The following EYS variants were observed in gnomAD, a reference collection of about 807,000 sequenced individuals.
The protein encoded by EYS is protein eyes shut homolog.
EYS carries 250 observed loss-of-function variants against 282.1 expected under a neutral mutation model. The ratio of observed to expected loss-of-function variants is 0.89; its 90% CI spans 0.80 to 0.98. The LOEUF is 0.98. Among genes scored for constraint, EYS ranks in the 50% least tolerant of loss-of-function variants. EYS has a pLI of 0.00. For missense variants in EYS, 4,016 were observed against 3,709.0 expected (o/e 1.08, Z -2.15); for synonymous variants, 1,355 against 1,282.9 (o/e 1.06, Z -1.20).
Position 65,267,765 on chromosome 6 carries a change from T to TCAAA in EYS, c.2023+28094_2023+28097dup, listed in dbSNP as rs370338988. Among the ~76,000 whole-genome samples, 1,061 of 151,930 alleles carry TCAAA rather than the reference T, an allele frequency of 7.0e-3. 12 individuals carry two copies. The highest frequency in any genetic ancestry group is 0.024 in the African/African-American group (990 of 41,474). ...AATCAAAATACCAAAACTTTAAAATTCAAACAAACAAACAAACAAACAAGC... is the reference window on the plus strand; with the variant it reads ...AATCAAAATACCAAAACTTTAAAATTCAAACAAACAAACAAACAAACAAACAAGC... On this transcript the variant is annotated intron_variant, in intron 12 of 42. Coordinates refer to ENST00000503581, the MANE Select transcript of EYS (RefSeq NM_001142800.2).
chr6:65,678,938 G>A (rs775026516), intron 1 of EYS, among the ~76,000 whole-genome samples: 3 of 151,238 alleles, frequency 2.0e-5, no homozygotes, highest in South Asian at 4.2e-4. Flanking sequence ...ATAGATGGCC[G>A]ACATCAAAAC....
intron 26 of EYS, among the ~76,000 whole-genome samples, chr6:64,478,000 C>G (rs981898177): frequency 6.6e-6 from 1 of 152,010 alleles, no homozygotes; most frequent in African/African-American, 2.4e-5. Flanking sequence ...ATCTCACTCC[C>G]AGCAAAAGCA....
intron 12 of EYS, among the ~76,000 whole-genome samples, chr6:65,192,404 ATC>A (rs1403106901): frequency 6.6e-6 from 1 of 151,566 alleles, no homozygotes; most frequent in East Asian, 1.9e-4. Flanking sequence ...CAAATTTTAT[ATC>A]TTTTTCAAGA....
chr6:65,065,476 G>T (rs1252698701), intron 12 of EYS, among the ~76,000 whole-genome samples: 3 of 150,800 alleles, frequency 2.0e-5, no homozygotes, highest in African/African-American at 7.3e-5. Flanking sequence ...TCCACCTCCC[G>T]GGTTCACGCC....
chr6:63,744,086 TA>T (rs1562005567), intron 41 of EYS: 1 of 152,248 alleles, frequency 6.6e-6, no homozygotes, highest in Admixed American at 6.5e-5. Context: ...TAATGAACTA[TA>T]AAAATACTTG....
intron 5 of EYS, among the ~76,000 whole-genome samples, chr6:65,429,073 G>C (rs1337744312): frequency 6.6e-6 from 1 of 151,966 alleles, no homozygotes; most frequent in African/African-American, 2.4e-5. Context: ...CCAGCTACTC[G>C]GGAGGCTGAG....
At chr6:64,706,465 A>T (rs1304625108) in intron 22 of EYS, among the ~76,000 whole-genome samples, 1 of 152,204 alleles carries the variant, frequency 6.6e-6, no homozygotes, top group Non-Finnish European at 1.5e-5. Context: ...AATATATGGG[A>T]CTTAATTAAA....
chr6:65,327,831 T>C (rs1769666778), intron 11 of EYS, among the ~76,000 whole-genome samples: 1 of 151,512 alleles, frequency 6.6e-6, no homozygotes, highest in African/African-American at 2.4e-5. Flanking sequence ...TTGGTAGCCA[T>C]AAATAAAGAC....
At chr6:64,841,870 A>C (rs1360094667) in intron 19 of EYS, among the ~76,000 whole-genome samples, 1 of 152,172 alleles carries the variant, frequency 6.6e-6, no homozygotes, top group Non-Finnish European at 1.5e-5. Context: ...CACCTTTTAC[A>C]AAAGAACAAG....
intron 5 of EYS, among the ~76,000 whole-genome samples, chr6:65,415,768 G>A (rs984266502): frequency 3.9e-5 from 6 of 152,026 alleles, no homozygotes; most frequent in African/African-American, 1.4e-4. Flanking sequence ...GAAAGGGGTG[G>A]AAGTTTGAGC....
intron 22 of EYS, among the ~76,000 whole-genome samples, chr6:64,778,617 T>C (rs1773756422): frequency 6.6e-6 from 1 of 152,268 alleles, no homozygotes; most frequent in Middle Eastern, 3.4e-3. Flanking sequence ...AGCCAGCAAC[T>C]GGGATAACAT....
chr6:64,980,887 T>C lies in EYS; in HGVS notation c.2259+16695A>G, dbSNP rs1770641254. Among the ~76,000 whole-genome samples the C allele has an allele frequency of 2.0e-5, 3 of 151,296 alleles. No homozygotes were observed. The South Asian group carries it at 6.2e-4, about 31-fold the overall frequency. ...AAGATAAAAAAAAACCTTTGAGGCT[T>C]AAAAATACCCTTAATTTAAAACTGG... On this transcript the variant is annotated intron_variant, in intron 14 of 42. Coordinates refer to ENST00000503581, the MANE Select transcript of EYS (RefSeq NM_001142800.2).
At chr6:65,629,779 T>C (rs143895000) in intron 2 of EYS, among the ~76,000 whole-genome samples, 83 of 152,266 alleles carry the variant, frequency 5.5e-4, no homozygotes, top group African/African-American at 1.8e-3. Flanking sequence ...TATTGATTTG[T>C]CTTGTGCATA....
chr6:65,361,118 AAC>A (rs1491155738), intron 8 of EYS, among the ~76,000 whole-genome samples: 60 of 83,748 alleles, frequency 7.2e-4, no homozygotes, highest in Middle Eastern at 5.4e-3. Flanking sequence ...AGGACAAAAA[AAC>A]AAACACCGCA....
At chr6:64,825,303 G>T (rs1765017296) in intron 19 of EYS, among the ~76,000 whole-genome samples, 1 of 151,738 alleles carries the variant, frequency 6.6e-6, no homozygotes, top group Admixed American at 6.6e-5. Context: ...TTTCCCTCCT[G>T]TAACAAGTAA....
At chr6:64,347,954 G>A (rs1180015503) in intron 29 of EYS, among the ~76,000 whole-genome samples, 1 of 151,030 alleles carries the variant, frequency 6.6e-6, no homozygotes, top group Non-Finnish European at 1.5e-5. Context: ...ACACATTTTT[G>A]TATTAAAGAT....
At position 63,762,617 on chromosome 6, in the gene EYS, C is replaced by T. The variant is rs778077385; in HGVS notation, c.7915G>A (p.Gly2639Arg). The stretch of plus-strand genomic sequence containing the variant: ...TCTGTGCAGAATGATCCTTTCCACC[C>T]AGTGGTACAATTGCAGCTGTGGGTT... ...GTSVYCNCTT[G>R]WKGSFCTETV... Residue 2639 changes from glycine to arginine, a missense_variant, in exon 41 of 43, where the codon GGG becomes AGG. Transcript: ENST00000503581. 6.5e-7 allele frequency: 1 copy of T among 1,549,896 alleles called. No homozygotes were observed. Among genetic ancestry groups the T allele is most frequent in the South Asian group, 1.2e-5 (1 of 83,876 alleles).
intron 2 of EYS, among the ~76,000 whole-genome samples, chr6:65,590,174 T>C (rs138844616): frequency 8.5e-4 from 129 of 152,136 alleles, no homozygotes; most frequent in African/African-American, 3.1e-3. Context: ...GTGTCAATTA[T>C]AGGCAAAAGC....
chr6:64,860,596 T>C (rs992532908), intron 19 of EYS, among the ~76,000 whole-genome samples: 2 of 152,200 alleles, frequency 1.3e-5, no homozygotes, highest in African/African-American at 4.8e-5. Context: ...AAGAGGGTGT[T>C]GCAGCCCTAG....
Sources: allele counts gnomAD v4.1 joint callset (sites outside exome capture counted in the v4.1 genomes callset), GRCh38; gene constraint gnomAD v4.1.1; transcripts MANE v1.5; gene names NCBI Gene and HGNC (gene_info 2026-07-23, HGNC 2026-07-21).